Variants in COL10A1 observed in about 807,000 individuals in gnomAD.
COL10A1 encodes the protein collagen type X alpha 1 chain.
A neutral mutation model predicts 18.2 loss-of-function variants in COL10A1; 10 were observed. The ratio of observed to expected loss-of-function variants is 0.55; its 90% CI spans 0.34 to 0.93. The LOEUF (loss-of-function observed/expected upper bound fraction) is 0.93. Ranked by LOEUF, COL10A1 falls within the 40% of genes least tolerant of loss-of-function variation. The pLI, the probability that COL10A1 is intolerant of heterozygous loss-of-function variation, is 0.02. For missense variants in COL10A1, 897 were observed against 853.5 expected, an observed-to-expected ratio of 1.05 and a Z score of -0.64; for synonymous variants, 330 against 316.6, an observed-to-expected ratio of 1.04 and a Z score of -0.45.
the COL10A1 span, among the ~76,000 whole-genome samples, chr6:116,208,802 G>A: frequency 6.6e-6 from 1 of 151,926 alleles, no homozygotes; most frequent in African/African-American, 2.4e-5. Flanking sequence ...AATCATAAAA[G>A]CAATAGCAAA....
At chr6:116,182,129 TG>T in the COL10A1 span, among the ~76,000 whole-genome samples, 1 of 152,098 alleles carries the variant, frequency 6.6e-6, no homozygotes, top group East Asian at 1.9e-4. Flanking sequence ...TTTCCATTCC[TG>T]AGTTACTTCA....
chr6:116,207,418 T>C, the COL10A1 span, among the ~76,000 whole-genome samples: 1 of 151,960 alleles, frequency 6.6e-6, no homozygotes. Flanking sequence ...TAGATACATA[T>C]GTCCATATTA....
the COL10A1 span, among the ~76,000 whole-genome samples, chr6:116,171,814 A>G: frequency 6.6e-6 from 1 of 152,236 alleles, no homozygotes; most frequent in African/African-American, 2.4e-5. Context: ...ATTTGCATAA[A>G]TGTGCAATTT....
At chr6:116,204,442 C>T in the COL10A1 span, among the ~76,000 whole-genome samples, 143,467 of 152,030 alleles carry the variant, frequency 0.94, 67,801 homozygotes, top group East Asian at 1. Flanking sequence ...CTTAGTATAT[C>T]AGCAAAAATT....
chr6:116,136,006 G>C (rs1779591553), intron 1 of COL10A1, among the ~76,000 whole-genome samples: 1 of 151,700 alleles, frequency 6.6e-6, no homozygotes, highest in African/African-American at 2.4e-5. Flanking sequence ...TCGAACTATA[G>C]TCACCATGCT....
chr6:116,191,104 A>G, the COL10A1 span, among the ~76,000 whole-genome samples: 2 of 151,976 alleles, frequency 1.3e-5, no homozygotes, highest in East Asian at 1.9e-4. Context: ...GTTAAATGCA[A>G]ATATCTGTGG....
chr6:116,200,556 T>C, the COL10A1 span, among the ~76,000 whole-genome samples: 1 of 152,084 alleles, frequency 6.6e-6, no homozygotes, highest in East Asian at 1.9e-4. Flanking sequence ...ATTAAAATTT[T>C]ATTTTAAAAA....
At chr6:116,139,513 G>A (rs1048379256) in intron 1 of COL10A1, among the ~76,000 whole-genome samples, 5 of 152,076 alleles carry the variant, frequency 3.3e-5, no homozygotes, top group African/African-American at 1.2e-4. Flanking sequence ...ACAGTGTAAT[G>A]ATATTGAACT....
At chr6:116,185,085 A>C in the COL10A1 span, among the ~76,000 whole-genome samples, 3 of 152,192 alleles carry the variant, frequency 2.0e-5, 1 homozygote, top group Admixed American at 2.0e-4. Flanking sequence ...AAGTTTAAAG[A>C]ATTTTTAAAT....
intron 2 of COL10A1, among the ~76,000 whole-genome samples, chr6:116,124,165 C>A (rs1779222522): frequency 6.6e-6 from 1 of 151,900 alleles, no homozygotes; most frequent in South Asian, 2.1e-4. Flanking sequence ...ATTTTAAATT[C>A]CATCTTTCTT....
the COL10A1 span, among the ~76,000 whole-genome samples, chr6:116,213,434 C>T: frequency 2.1e-3 from 322 of 152,156 alleles, 1 homozygote; most frequent in African/African-American, 7.2e-3. Context: ...GGTAAGGAGT[C>T]GAAGCTGCCA....
the COL10A1 span, among the ~76,000 whole-genome samples, chr6:116,171,121 C>T: frequency 6.6e-6 from 1 of 151,970 alleles, no homozygotes; most frequent in Non-Finnish European, 1.5e-5. Context: ...GCACTTGATC[C>T]ATAGTAGGTG....
chr6:116,120,934 TG>T lies in COL10A1; in HGVS notation c.1181del (p.Pro394GlnfsTer87). The stretch of plus-strand genomic sequence containing the variant: ...GGTTACCCTTAGGACCATCGAGACC[TG>T]GTTTTCCTGGGTACCCTGGTTTTCC... Reference protein sequence around the residue: ...SDGKPGYPGKPGLDGPKGNPG... With the variant: ...SDGKPGYPGKXGLDGPKGNPG... On this transcript the variant is annotated frameshift_variant, in exon 3 of 3. Coordinates refer to ENST00000651968, the MANE Select transcript of COL10A1 (RefSeq NM_000493.4). LOFTEE classifies it low-confidence loss of function (END_TRUNC). 6.2e-7 allele frequency: 1 copy of T among 1,613,860 alleles called. No homozygotes were observed.
At chr6:116,170,820 G>A in the COL10A1 span, among the ~76,000 whole-genome samples, 930 of 152,216 alleles carry the variant, frequency 6.1e-3, 4 homozygotes, top group Non-Finnish European at 8.1e-3. Context: ...AGATCTTGCA[G>A]TTCTCACTCC....
At chr6:116,152,637 T>C (rs1476867358) in intron 1 of COL10A1, among the ~76,000 whole-genome samples, 3 of 152,166 alleles carry the variant, frequency 2.0e-5, no homozygotes, top group Non-Finnish European at 4.4e-5. Context: ...ATGAAGACTT[T>C]GAATGCTATA....
chr6:116,191,915 G>C, the COL10A1 span, among the ~76,000 whole-genome samples: 1 of 152,000 alleles, frequency 6.6e-6, no homozygotes, highest in Admixed American at 6.6e-5. Context: ...AATCAGTTTT[G>C]CTGCTTCCTG....
chr6:116,196,918 A>G, the COL10A1 span, among the ~76,000 whole-genome samples: 1 of 151,468 alleles, frequency 6.6e-6, no homozygotes, highest in African/African-American at 2.4e-5. Context: ...TGTTGGAGAT[A>G]TCCTCAAATG....
At chr6:116,183,348 G>T in the COL10A1 span, among the ~76,000 whole-genome samples, 1 of 152,108 alleles carries the variant, frequency 6.6e-6, no homozygotes, top group East Asian at 1.9e-4. Flanking sequence ...TCTTGCTTTG[G>T]CTATGCAGGC....
the COL10A1 span, among the ~76,000 whole-genome samples, chr6:116,213,904 C>T: frequency 1.8e-4 from 27 of 151,874 alleles, no homozygotes; most frequent in Middle Eastern, 6.8e-3. Flanking sequence ...TTTACCCACA[C>T]TACTTTTTTT....
Sources: gnomAD v4.1 joint callset for allele counts (sites outside exome capture counted in the v4.1 genomes callset) on GRCh38, gnomAD v4.1.1 for gene constraint, MANE v1.5 for transcripts, NCBI Gene and HGNC (gene_info 2026-07-23, HGNC 2026-07-21) for gene names.